Variants in PAK5 observed in about 807,000 individuals in gnomAD.
The protein encoded by PAK5 is serine/threonine-protein kinase PAK 5.
In PAK5, 16 loss-of-function variants were observed where a neutral mutation model predicts 65.9. The observed-to-expected ratio is 0.24, with a 90% CI of 0.16 to 0.37. The LOEUF (loss-of-function observed/expected upper bound fraction) is 0.37, where lower values mean the gene tolerates loss of function less well. PAK5 is among the 10% of genes least tolerant of loss of function. The probability of loss-of-function intolerance (pLI) is 1.00; values close to 1 mark genes in which losing one functional copy is unlikely to be tolerated. For missense variants in PAK5, 785 were observed against 903.9 expected, an observed-to-expected ratio of 0.87 and a Z score of 1.69; for synonymous variants, 371 against 354.9, an observed-to-expected ratio of 1.05 and a Z score of -0.51.
At chr20:9,836,041 G>C (rs17504199) in intron 1 of PAK5, among the ~76,000 whole-genome samples, 4,358 of 152,238 alleles carry the variant, frequency 0.029, 101 homozygotes, top group South Asian at 0.081. Context: ...TTGGCTCCCA[G>C]GTAAGTGACA....
chr20:9,741,510 G>T (rs1367439251), intron 1 of PAK5, among the ~76,000 whole-genome samples: 1 of 152,108 alleles, frequency 6.6e-6, no homozygotes, highest in Non-Finnish European at 1.5e-5. Context: ...GGAGGAATGA[G>T]CTCAAGTCTC....
chr20:9,735,871 C>T (rs909915848), intron 1 of PAK5, among the ~76,000 whole-genome samples: 2 of 150,836 alleles, frequency 1.3e-5, no homozygotes, highest in African/African-American at 4.9e-5. Context: ...ACTAAAAATA[C>T]AACTTTGAGA....
intron 3 of PAK5, among the ~76,000 whole-genome samples, chr20:9,607,435 C>G (rs2046475381): frequency 6.6e-6 from 1 of 152,170 alleles, no homozygotes. Context: ...TCAATTGGAT[C>G]TTCATTATTA....
At chr20:9,570,872 C>G (rs1033014547) in intron 4 of PAK5, among the ~76,000 whole-genome samples, 1 of 152,234 alleles carries the variant, frequency 6.6e-6, no homozygotes, top group Non-Finnish European at 1.5e-5. Flanking sequence ...TCCTTATCAC[C>G]TGTCAGCAGC....
intron 3 of PAK5, among the ~76,000 whole-genome samples, chr20:9,609,439 T>C (rs1217340017): frequency 1.3e-5 from 2 of 152,114 alleles, no homozygotes; most frequent in East Asian, 3.9e-4. Context: ...AACATAAGTG[T>C]GAAAACACTG....
chr20:9,808,660 T>A (rs1027843998), intron 1 of PAK5, among the ~76,000 whole-genome samples: 1 of 152,106 alleles, frequency 6.6e-6, no homozygotes, highest in Non-Finnish European at 1.5e-5. Context: ...TTATATGAAA[T>A]GTTCAGAACA....
intron 2 of PAK5, among the ~76,000 whole-genome samples, chr20:9,682,674 A>G (rs1020453993): frequency 2.6e-5 from 4 of 152,216 alleles, no homozygotes; most frequent in Admixed American, 6.5e-5. Flanking sequence ...GGTGAACCCC[A>G]CAATCTGTGC....
intron 3 of PAK5, among the ~76,000 whole-genome samples, chr20:9,597,639 C>T (rs1159694564): frequency 6.6e-6 from 1 of 152,228 alleles, no homozygotes; most frequent in Non-Finnish European, 1.5e-5. Flanking sequence ...GTTTCCCTTT[C>T]CCTTGACTTT....
At chr20:9,750,969 G>A (rs535075414) in intron 1 of PAK5, among the ~76,000 whole-genome samples, 4 of 152,292 alleles carry the variant, frequency 2.6e-5, no homozygotes, top group East Asian at 1.9e-4. Context: ...AGTTGACAGT[G>A]TATGGCATTT....
chr20:9,688,665 C>T (rs1210580512), intron 2 of PAK5, among the ~76,000 whole-genome samples: 1 of 151,906 alleles, frequency 6.6e-6, no homozygotes, highest in African/African-American at 2.4e-5. Context: ...GGTTGAAGCT[C>T]ACATAGCATG....
intron 1 of PAK5, among the ~76,000 whole-genome samples, chr20:9,750,786 G>A (rs188717283): frequency 2.9e-4 from 44 of 152,194 alleles, no homozygotes; most frequent in African/African-American, 9.9e-4. Context: ...CGCTTACACT[G>A]TAACCACCAT....
At chr20:9,713,498 C>G (rs1196743782) in intron 1 of PAK5, among the ~76,000 whole-genome samples, 1 of 152,102 alleles carries the variant, frequency 6.6e-6, no homozygotes, top group East Asian at 1.9e-4. Context: ...TACAATCCAG[C>G]AATCCCACTG....
At chr20:9,749,691 C>T (rs1048567803) in intron 1 of PAK5, among the ~76,000 whole-genome samples, 8 of 152,118 alleles carry the variant, frequency 5.3e-5, no homozygotes, top group Admixed American at 2.6e-4. Flanking sequence ...CAAAAAGTAG[C>T]CAGTATACAA....
chr20:9,554,714 C>A (rs1046602224), intron 7 of PAK5, among the ~76,000 whole-genome samples: 3 of 152,196 alleles, frequency 2.0e-5, no homozygotes, highest in Admixed American at 1.3e-4. Flanking sequence ...CATTTCTGCT[C>A]TCTTTTAAAA....
chr20:9,567,149 C>T (rs2045696649), intron 4 of PAK5, among the ~76,000 whole-genome samples: 1 of 152,198 alleles, frequency 6.6e-6, no homozygotes, highest in Admixed American at 6.5e-5. Context: ...AAAGATACCA[C>T]ATCTTGTCAT....
intron 3 of PAK5, among the ~76,000 whole-genome samples, chr20:9,624,498 G>A (rs1222347034): frequency 6.7e-6 from 1 of 150,126 alleles, no homozygotes; most frequent in African/African-American, 2.5e-5. Context: ...TCCAGGATGG[G>A]GTAGAAATAT....
chr20:9,631,756 T>C lies in PAK5; in HGVS notation c.204+12369A>G, dbSNP rs148624078. 5.9e-5 allele frequency among the ~76,000 whole-genome samples: 9 copies of C among 152,306 alleles called. No homozygotes were observed. In the East Asian group the frequency reaches 1.7e-3, roughly 29 times the overall value. ...GGTTCTCAACAGGTGATGGATTCAG[T>C]GATTCTAGCAAACACTTAGACAGGT... is the stretch of plus-strand genomic sequence containing the variant. On this transcript the variant is annotated intron_variant, in intron 3 of 9. Coordinates refer to ENST00000353224, the MANE Select transcript of PAK5 (RefSeq NM_177990.4).
intron 2 of PAK5, among the ~76,000 whole-genome samples, chr20:9,659,460 C>T (rs1378409174): frequency 6.6e-6 from 1 of 152,108 alleles, no homozygotes; most frequent in Non-Finnish European, 1.5e-5. Context: ...GACTTATTTC[C>T]AAAAATAAGT....
chr20:9,815,235 A>C (rs1295607038), intron 1 of PAK5, among the ~76,000 whole-genome samples: 8 of 152,318 alleles, frequency 5.3e-5, no homozygotes, highest in African/African-American at 1.9e-4. Flanking sequence ...AATTTCAACA[A>C]GAGACTTGGC....
Sources: allele counts gnomAD v4.1 joint callset (sites outside exome capture counted in the v4.1 genomes callset), GRCh38; gene constraint gnomAD v4.1.1; transcripts MANE v1.5; gene names NCBI Gene and HGNC (gene_info 2026-07-23, HGNC 2026-07-21).